PIK3AP1: variants seen among roughly 807,000 people sequenced by gnomAD.
PIK3AP1 encodes the protein phosphoinositide-3-kinase adaptor protein 1.
PIK3AP1 carries 21 observed loss-of-function variants against 88.1 expected under a neutral mutation model. That is an observed-to-expected ratio of 0.24 (90% CI 0.17 to 0.34). The LOEUF is 0.34. PIK3AP1 is among the 10% of genes least tolerant of loss of function. The pLI is 1.00. For synonymous variants in PIK3AP1, 398 were observed against 400.0 expected (o/e 1.00, Z 0.06); for missense variants, 828 against 1,035.7 (o/e 0.80, Z 2.75).
At position 96,620,545 on chromosome 10, in the gene PIK3AP1, C is replaced by A; in HGVS notation, c.1748G>T (p.Arg583Ile). 6.2e-7 allele frequency: 1 copy of A among 1,612,668 alleles called. No individual in the cohort carries two copies. Among genetic ancestry groups the A allele is most frequent in the South Asian group, 1.1e-5 (1 of 90,980 alleles). Residue 583 changes from arginine (R) to isoleucine (I), a missense_variant, in exon 12 of 17, where the codon AGA becomes ATA. Physicochemically the swap from Arg to Ile is moderately conservative, Grantham distance 97. Coordinates refer to ENST00000339364, the MANE Select transcript of PIK3AP1 (RefSeq NM_152309.3). Reference protein sequence around the residue: ...SESIRKGPPVRPWRDRPQSSI... With the variant: ...SESIRKGPPVIPWRDRPQSSI... ...CGACTGGGGCCTGTCCCTCCATGGT[C>A]TGACGGGCGGCCCTGGAAAGGATGG...
chr10:96,690,116 A>G (rs1844131621), intron 2 of PIK3AP1, among the ~76,000 whole-genome samples: 1 of 152,170 alleles, frequency 6.6e-6, no homozygotes, highest in African/African-American at 2.4e-5. Flanking sequence ...GGTAATTATC[A>G]TGTATCTCCT....
intron 16 of PIK3AP1, among the ~76,000 whole-genome samples, chr10:96,598,868 G>T (rs1341008717): frequency 6.6e-6 from 1 of 152,240 alleles, no homozygotes; most frequent in African/African-American, 2.4e-5. Context: ...AGAGCTCACT[G>T]GGAATGCTGA....
At chr10:96,667,485 T>A (rs577492565) in intron 2 of PIK3AP1, among the ~76,000 whole-genome samples, 1 of 152,186 alleles carries the variant, frequency 6.6e-6, no homozygotes, top group African/African-American at 2.4e-5. Flanking sequence ...AGCAACTACA[T>A]TGGTATCATT....
intron 9 of PIK3AP1, among the ~76,000 whole-genome samples, chr10:96,628,175 C>A (rs1843178703): frequency 6.6e-6 from 1 of 152,194 alleles, no homozygotes; most frequent in African/African-American, 2.4e-5. Flanking sequence ...TTTACCCAAA[C>A]AAGTGGCTCC....
rs1844124323 is a variant in PIK3AP1, at chr10:96,689,574, T to TG, written c.430+19992_430+19993insC. 7.3e-5 allele frequency among the ~76,000 whole-genome samples: 3 copies of TG among 40,966 alleles called. No individual in the cohort carries two copies. The East Asian group carries it at 2.3e-3, about 31-fold the overall frequency. The allele number at this position is 40,966 out of a possible 152,430, so 26.9% of individuals were successfully genotyped here. ...AACAGAGCAAGAGCAAGACTCTGTC[T>TG]CAAAAAAAAAAAAAAAAAAAAAAAA... On this transcript the variant is annotated intron_variant, in intron 2 of 16. Transcript: ENST00000339364.
chr10:96,699,405 TAA>T (rs1460494879), intron 2 of PIK3AP1, among the ~76,000 whole-genome samples: 4 of 152,228 alleles, frequency 2.6e-5, no homozygotes, highest in Admixed American at 6.5e-5. Flanking sequence ...TATATATCAA[TAA>T]GAGAATATTT....
intron 2 of PIK3AP1, among the ~76,000 whole-genome samples, chr10:96,693,082 G>A (rs573965551): frequency 1.3e-4 from 20 of 152,256 alleles, no homozygotes; most frequent in African/African-American, 4.8e-4. Context: ...CATGTGACAG[G>A]CCTTCAAAAC....
intron 3 of PIK3AP1, among the ~76,000 whole-genome samples, chr10:96,653,145 G>A (rs973606064): frequency 4.6e-5 from 7 of 152,068 alleles, no homozygotes; most frequent in Middle Eastern, 3.4e-3. Flanking sequence ...GGTGGCTCAC[G>A]CCTGTAATCT....
chr10:96,712,327 C>A (rs1391793882), intron 1 of PIK3AP1, among the ~76,000 whole-genome samples: 2 of 152,206 alleles, frequency 1.3e-5, no homozygotes, highest in Non-Finnish European at 2.9e-5. Flanking sequence ...CTACAGAGAA[C>A]TCAATTCTGA....
chr10:96,645,379 G>T, intron 8 of PIK3AP1, 94 bp downstream of exon 8: 1 of 1,275,872 alleles, frequency 7.8e-7, no homozygotes, highest in South Asian at 1.3e-5. Context: ...TGAAGTGAGG[G>T]TACATAGGGA....
chr10:96,598,889 C>T (rs1848831532), intron 16 of PIK3AP1, among the ~76,000 whole-genome samples: 1 of 152,196 alleles, frequency 6.6e-6, no homozygotes, highest in Non-Finnish European at 1.5e-5. Context: ...AGTGGCAGAT[C>T]ATCGGTGAAT....
rs552379954 is a variant in PIK3AP1 at position 96,676,836 on chromosome 10, C to T, written c.431-19902G>A. 7.2e-5 allele frequency among the ~76,000 whole-genome samples: 11 copies of T among 152,142 alleles called. No individual in the cohort carries two copies. The East Asian group carries it at 1.4e-3, about 19-fold the overall frequency. On this transcript the variant is annotated intron_variant, in intron 2 of 16. Transcript: ENST00000339364. ...TCTTTTCTAGGGAGTTTTAAGTTTC[C>T]GTATTGAGCTGGAATCTAACCCTTG...
intron 1 of PIK3AP1, among the ~76,000 whole-genome samples, chr10:96,717,367 C>T (rs965725143): frequency 6.6e-6 from 1 of 151,972 alleles, no homozygotes; most frequent in African/African-American, 2.4e-5. Flanking sequence ...GTGACTCTGG[C>T]ACCCCATTCA....
At chr10:96,643,000 C>T (rs936097882) in intron 8 of PIK3AP1, among the ~76,000 whole-genome samples, 1 of 152,130 alleles carries the variant, frequency 6.6e-6, no homozygotes, top group African/African-American at 2.4e-5. Context: ...TCCAAGTGTT[C>T]TTTTGTGAGT....
chr10:96,597,472 C>T (rs2134175166), intron 16 of PIK3AP1, among the ~76,000 whole-genome samples: 1 of 151,686 alleles, frequency 6.6e-6, no homozygotes, highest in East Asian at 1.9e-4. Flanking sequence ...TGGATTAGGC[C>T]CTCAAGATGA....
chr10:96,648,884 G>A (rs767424077), intron 6 of PIK3AP1, 29 bp from the exon 7 acceptor site: 4 of 1,521,318 alleles, frequency 2.6e-6, no homozygotes, highest in African/African-American at 2.8e-5. Flanking sequence ...AACTTAATAG[G>A]CAGATAAAAA....
chr10:96,684,081 G>A (rs1844037555), intron 2 of PIK3AP1, among the ~76,000 whole-genome samples: 1 of 152,158 alleles, frequency 6.6e-6, no homozygotes, highest in Non-Finnish European at 1.5e-5. Context: ...CTGCCACTTA[G>A]GAGATAGGGC....
chr10:96,709,048 G>A (rs1300205227), intron 2 of PIK3AP1, among the ~76,000 whole-genome samples: 4 of 139,666 alleles, frequency 2.9e-5, no homozygotes, highest in African/African-American at 8.0e-5. Context: ...CAGGAGAATC[G>A]TTTGAACCTG....
intron 13 of PIK3AP1, among the ~76,000 whole-genome samples, chr10:96,612,101 G>T (rs563188366): frequency 6.6e-6 from 1 of 152,176 alleles, no homozygotes; most frequent in African/African-American, 2.4e-5. Context: ...GGAAACTGAG[G>T]CACAGAGTGG....
Sources: gnomAD v4.1 joint callset for allele counts (sites outside exome capture counted in the v4.1 genomes callset) on GRCh38, gnomAD v4.1.1 for gene constraint, MANE v1.5 for transcripts, NCBI Gene and HGNC (gene_info 2026-07-23, HGNC 2026-07-21) for gene names.